HDLBP: variants seen among roughly 807,000 people sequenced by gnomAD.
HDLBP encodes the protein vigilin.
Under a neutral mutation model 137.3 loss-of-function variants are expected in HDLBP, and 30 were observed. That is an observed-to-expected ratio of 0.22 (90% confidence interval 0.16 to 0.30). HDLBP has a LOEUF of 0.30. Ranked by LOEUF, HDLBP falls within the 10% of genes least tolerant of loss-of-function variation. The pLI, the probability that HDLBP is intolerant of heterozygous loss-of-function variation, is 1.00. For synonymous variants in HDLBP, 606 were observed against 596.0 expected (o/e 1.02, Z -0.24); for missense variants, 1,119 against 1,667.3 (o/e 0.67, Z 5.73).
intron 1 of HDLBP, among the ~76,000 whole-genome samples, chr2:241,298,181 G>A (rs530344132): frequency 3.3e-5 from 5 of 149,756 alleles, no homozygotes; most frequent in African/African-American, 7.4e-5. Flanking sequence ...CCTGGGCCAC[G>A]TGGTGAAACC....
At position 241,255,032 on chromosome 2, in the gene HDLBP, G is replaced by A. The variant is rs768227208; in HGVS notation, c.1188+19C>T. 11 of 1,523,896 alleles carry A rather than the reference G, an allele frequency of 7.2e-6. No homozygotes were observed. Among genetic ancestry groups the A allele is most frequent in the South Asian group, 2.2e-5 (2 of 89,170 alleles). The allele number at this position is 1,523,896 out of a possible 1,614,324, so 94.4% of individuals were successfully genotyped here. A position where few individuals can be genotyped will look rare whatever the true frequency, so the allele number is the denominator to read the frequency against. On this transcript the variant is annotated intron_variant, in intron 9 of 27. Coordinates refer to ENST00000310931, the MANE Select transcript of HDLBP (RefSeq NM_005336.6). ...AAACAAGACAAATTCAATACAACAG[G>A]TGAAAAACGTGTCCTTACCTTTGGC... is the stretch of plus-strand genomic sequence containing the variant.
chr2:241,241,919 C>T (rs1038765397), intron 17 of HDLBP, among the ~76,000 whole-genome samples: 1 of 152,174 alleles, frequency 6.6e-6, no homozygotes, highest in South Asian at 2.1e-4. Context: ...CCAATCAAAA[C>T]GTGAAAGTGC....
intron 3 of HDLBP, 65 bp from the exon 4 acceptor site, chr2:241,264,670 A>G: frequency 2.0e-6 from 3 of 1,510,642 alleles, no homozygotes. Flanking sequence ...AACACTTTTA[A>G]GGGTTTTAGT....
Position 241,240,408 on chromosome 2 carries a change from C to T in HDLBP, c.2170-286G>A, listed in dbSNP as rs1197598615. ...CCACTTACAAGCACTGACCAAACTTCTCCAAGCCATTTTTGATCTGCACAG... is the reference window on the plus strand; with the variant it reads ...CCACTTACAAGCACTGACCAAACTTTTCCAAGCCATTTTTGATCTGCACAG... On this transcript the variant is annotated intron_variant, in intron 17 of 27. Coordinates refer to ENST00000310931, the MANE Select transcript of HDLBP (RefSeq NM_005336.6). The surrounding 1 kb of genome is among the most constrained non-coding windows in gnomAD (Gnocchi z 5.5). Among the ~76,000 whole-genome samples, 3 of 151,646 alleles carry T rather than the reference C, an allele frequency of 2.0e-5. No homozygotes were observed. Among genetic ancestry groups the T allele is most frequent in the African/African-American group, 7.2e-5 (3 of 41,432 alleles).
At chr2:241,302,145 C>T (rs1009127186) in intron 1 of HDLBP, among the ~76,000 whole-genome samples, 1 of 151,860 alleles carries the variant, frequency 6.6e-6, no homozygotes, top group African/African-American at 2.4e-5. Flanking sequence ...TGCTTCCCAG[C>T]TACTCAGGAG....
chr2:241,307,716 C>T (rs762125098), intron 1 of HDLBP, among the ~76,000 whole-genome samples: 3 of 152,080 alleles, frequency 2.0e-5, no homozygotes, highest in Non-Finnish European at 4.4e-5. Flanking sequence ...ATCTTACATG[C>T]ATTCTTTCAC....
chr2:241,281,174 G>A (rs1458555242), intron 1 of HDLBP, among the ~76,000 whole-genome samples: 1 of 152,076 alleles, frequency 6.6e-6, no homozygotes, highest in African/African-American at 2.4e-5. Flanking sequence ...TGACCAACAG[G>A]GAGAAACCCC....
At chr2:241,261,807 T>C (rs1041063125) in intron 5 of HDLBP, among the ~76,000 whole-genome samples, 1 of 152,218 alleles carries the variant, frequency 6.6e-6, no homozygotes, top group Admixed American at 6.5e-5. Context: ...GTGGCACTCC[T>C]CTGCCTCGCC....
At chr2:241,243,021 C>T (rs557663735) in intron 16 of HDLBP, among the ~76,000 whole-genome samples, 3 of 152,290 alleles carry the variant, frequency 2.0e-5, no homozygotes, top group Admixed American at 6.5e-5. Context: ...GTCAACGCTC[C>T]GGCTCTGCCA....
At chr2:241,305,477 GC>G (rs2075540621) in intron 1 of HDLBP, among the ~76,000 whole-genome samples, 1 of 152,144 alleles carries the variant, frequency 6.6e-6, no homozygotes, top group African/African-American at 2.4e-5. Flanking sequence ...ATACCCTAGA[GC>G]CCTTTCAAGG....
chr2:241,246,096 C>T (rs2071650117), intron 16 of HDLBP, among the ~76,000 whole-genome samples: 1 of 152,142 alleles, frequency 6.6e-6, no homozygotes, highest in African/African-American at 2.4e-5. Context: ...TAAAAAAGAA[C>T]AAACCAACAA....
At position 241,229,232 on chromosome 2, in the gene HDLBP, G is replaced by A. The variant is rs547760012; in HGVS notation, c.*369C>T. On this transcript the variant is annotated 3_prime_UTR_variant, in exon 28 of 28. Coordinates refer to ENST00000310931, the MANE Select transcript of HDLBP (RefSeq NM_005336.6). ...AAACGTTTGGCTTTTATAAAGTCAA[G>A]GACGTTTATTTCCTGAGGTCATGAC... 25 of 239,036 alleles carry A rather than the reference G, an allele frequency of 1.0e-4. No homozygotes were observed. The South Asian group carries it at 1.2e-3, about 11-fold the overall frequency. The allele number at this position is 239,036 out of a possible 1,614,324, so 14.8% of individuals were successfully genotyped here. A position where few individuals can be genotyped will look rare whatever the true frequency, so the allele number is the denominator to read the frequency against.
chr2:241,296,534 A>G (rs2075188640), intron 1 of HDLBP, among the ~76,000 whole-genome samples: 1 of 152,256 alleles, frequency 6.6e-6, no homozygotes, highest in Admixed American at 6.5e-5. Context: ...ACACTAATAT[A>G]GAAGTCAAGA....
rs757658659 is a variant in HDLBP at position 241,246,804 on chromosome 2, C to T, written c.1898G>A (p.Arg633Gln). The T allele has an allele frequency of 1.7e-5, 28 of 1,614,024 alleles. No individual in the cohort carries two copies. The highest frequency in any genetic ancestry group is 2.3e-5 in the Non-Finnish European group (27 of 1,180,002). Residue 633 changes from arginine (R) to glutamine (Q), a missense_variant, in exon 16 of 28, where the codon CGA becomes CAA. Coordinates refer to ENST00000310931, the MANE Select transcript of HDLBP (RefSeq NM_005336.6). ...NSETIIITGKRANCEAARSRI... is the reference protein window; with the variant it reads ...NSETIIITGKQANCEAARSRI... ...GCTCCGGGCAGCTTCGCAGTTGGCT[C>T]GCTTGCCTGTGATGATAATGGTCTC...
chr2:241,239,967 G>A lies in HDLBP; in HGVS notation c.2325C>T (p.Thr775=). ...GGACGGCGTCCTCCTTTCCAATGAT[G>A]GTGATCAGGTCCTGGTCCTTGTCCT... The part of the protein sequence containing the change: ...AAEDKDQDLI[T]IIGKEDAVRE... Residue 775 remains threonine, a synonymous_variant, in exon 18 of 28, where the codon ACC becomes ACT. Transcript: ENST00000310931. This position sits in a 1 kb window ranked among gnomAD's most constrained non-coding sequence, Gnocchi z 4.6. 1 of 1,614,224 alleles carries A rather than the reference G, an allele frequency of 6.2e-7. No homozygotes were observed. The highest frequency in any genetic ancestry group is 8.5e-7 in the Non-Finnish European group (1 of 1,180,044).
At chr2:241,298,696 C>G (rs1340173945) in intron 1 of HDLBP, among the ~76,000 whole-genome samples, 3 of 152,298 alleles carry the variant, frequency 2.0e-5, no homozygotes, top group Non-Finnish European at 4.4e-5. Context: ...GTGCACATCA[C>G]CACTAAGGGG....
intron 11 of HDLBP, among the ~76,000 whole-genome samples, chr2:241,251,933 C>T (rs1266710342): frequency 6.6e-6 from 1 of 152,122 alleles, no homozygotes; most frequent in Non-Finnish European, 1.5e-5. Flanking sequence ...ACTGAGATCA[C>T]GCCACTGCAC....
Position 241,239,612 on chromosome 2 carries a change from A to G in HDLBP, c.2600T>C (p.Ile867Thr), listed in dbSNP as rs749559163. The G allele has an allele frequency of 2.3e-5, 37 of 1,613,960 alleles. 1 individual carries two copies. The East Asian group carries it at 6.5e-4, about 28-fold the overall frequency. ...CACCCAAGTGCCTACCAGGTCCTCA[A>G]TGATCTCCTGAATGCGTTTCTTGGC... ...EAAKKRIQEI[I>T]EDLEAQVTLE... The change falls in exon 19 of 28, where the codon ATT becomes ACT. Residue 867 changes from isoleucine to threonine, a missense_variant. Physicochemically the swap from Ile to Thr is moderately conservative, Grantham distance 89. Coordinates refer to ENST00000310931, the MANE Select transcript of HDLBP (RefSeq NM_005336.6). This position sits in a 1 kb window ranked among gnomAD's most constrained non-coding sequence, Gnocchi z 4.6.
chr2:241,307,817 T>C (rs769308468), intron 1 of HDLBP, among the ~76,000 whole-genome samples: 5 of 152,124 alleles, frequency 3.3e-5, no homozygotes, highest in Non-Finnish European at 7.3e-5. Context: ...AACAACTACA[T>C]GTTGAGTGGA....
Sources: allele counts gnomAD v4.1 joint callset (sites outside exome capture counted in the v4.1 genomes callset), GRCh38; gene constraint gnomAD v4.1.1; non-coding constraint Gnocchi (gnomAD v3.1); transcripts MANE v1.5; gene names NCBI Gene and HGNC (gene_info 2026-07-23, HGNC 2026-07-21).